Variants in NHERF1 observed in about 807,000 individuals in gnomAD.
NHERF1 encodes the protein Na(+)/H(+) exchange regulatory cofactor NHE-RF1.
At chr17:74,753,748 T>G in the NHERF1 span, among the ~76,000 whole-genome samples, 7 of 137,868 alleles carry the variant, frequency 5.1e-5, no homozygotes, top group East Asian at 2.2e-4. Flanking sequence ...GGGAGGGGGG[T>G]GAATGGGGGC....
the NHERF1 span, among the ~76,000 whole-genome samples, chr17:74,752,753 G>A: frequency 6.6e-6 from 1 of 152,102 alleles, no homozygotes; most frequent in Non-Finnish European, 1.5e-5. Flanking sequence ...CTCGGCCTCC[G>A]CCTCCTCTTT....
chr17:74,768,741 T>A, the NHERF1 span: 2 of 1,217,586 alleles, frequency 1.6e-6, no homozygotes, highest in Admixed American at 1.8e-5. Context: ...CTCCCCTGAA[T>A]CAATGTACAA....
chr17:74,750,408 C>G, the NHERF1 span, among the ~76,000 whole-genome samples: 1 of 152,136 alleles, frequency 6.6e-6, no homozygotes, highest in Admixed American at 6.5e-5. Flanking sequence ...CGTGGGGCTA[C>G]GAGGAGCCTC....
At chr17:74,748,903 G>C in the NHERF1 span, 1 of 1,599,114 alleles carries the variant, frequency 6.3e-7, no homozygotes, top group African/African-American at 1.3e-5. This position sits in a 1 kb window ranked among gnomAD's most constrained non-coding sequence, Gnocchi z 4.3. Flanking sequence ...GCCTGGAGAA[G>C]GGTCCGAACG....
chr17:74,755,956 G>GT, the NHERF1 span, among the ~76,000 whole-genome samples: 1,150 of 141,568 alleles, frequency 8.1e-3, 6 homozygotes, highest in African/African-American at 0.02. Context: ...TATTTTTCCT[G>GT]TTTTTTTTTT....
chr17:74,763,085 A>G, the NHERF1 span: 1 of 347,210 alleles, frequency 2.9e-6, no homozygotes, highest in Non-Finnish European at 5.3e-6. Flanking sequence ...CCGGCCTCCC[A>G]GCTCGCTCCC....
the NHERF1 span, among the ~76,000 whole-genome samples, chr17:74,756,263 TTC>T: frequency 7.7e-6 from 1 of 129,262 alleles, no homozygotes; most frequent in African/African-American, 2.9e-5. Context: ...TTTCTTTTCT[TTC>T]TTTCTTTCTT....
the NHERF1 span, chr17:74,763,669 A>G: frequency 8.8e-6 from 7 of 799,648 alleles, no homozygotes; most frequent in African/African-American, 8.6e-5. Flanking sequence ...GGAGGCCCAG[A>G]GGTGTGGGCT....
At chr17:74,764,324 C>T in the NHERF1 span, among the ~76,000 whole-genome samples, 1 of 152,194 alleles carries the variant, frequency 6.6e-6, no homozygotes, top group East Asian at 1.9e-4. This position sits in a 1 kb window ranked among gnomAD's most constrained non-coding sequence, Gnocchi z 4.9. Flanking sequence ...CTCCCATCGC[C>T]AGCTGCAAGG....
At chr17:74,765,261 T>C in the NHERF1 span, among the ~76,000 whole-genome samples, 6 of 152,084 alleles carry the variant, frequency 3.9e-5, no homozygotes, top group Non-Finnish European at 7.4e-5. Flanking sequence ...TTTTTTTCTT[T>C]TTCTTTTTCT....
the NHERF1 span, chr17:74,748,931 C>A: frequency 5.4e-5 from 87 of 1,603,390 alleles, 1 homozygote; most frequent in Admixed American, 7.9e-4. The surrounding 1 kb of genome is among the most constrained non-coding windows in gnomAD (Gnocchi z 4.3). Flanking sequence ...CTTCCACCTG[C>A]ACGGGGAGAA....
chr17:74,762,266 T>G, the NHERF1 span: 1 of 1,327,414 alleles, frequency 7.5e-7, no homozygotes, highest in African/African-American at 1.5e-5. The surrounding 1 kb of genome is among the most constrained non-coding windows in gnomAD (Gnocchi z 4.2). Flanking sequence ...TGGGCTTGAT[T>G]AGCCCACGGG....
At chr17:74,768,339 G>A in the NHERF1 span, 3 of 1,377,486 alleles carry the variant, frequency 2.2e-6, no homozygotes, top group Non-Finnish European at 3.1e-6. Flanking sequence ...CACATGCTGA[G>A]CCGCATTCTG....
chr17:74,768,362 G>A, the NHERF1 span: 1 of 1,433,130 alleles, frequency 7.0e-7, no homozygotes, highest in South Asian at 1.1e-5. Context: ...CTTGTGACCT[G>A]GCTTCCCTGG....
At chr17:74,748,673 C>T in the NHERF1 span, 1 of 600,568 alleles carries the variant, frequency 1.7e-6, no homozygotes, top group Non-Finnish European at 2.9e-6. This position sits in a 1 kb window ranked among gnomAD's most constrained non-coding sequence, Gnocchi z 4.3. Context: ...TCTCTCGGCT[C>T]CTCGCGGCTC....
the NHERF1 span, among the ~76,000 whole-genome samples, chr17:74,754,985 G>C: frequency 6.6e-6 from 1 of 152,192 alleles, no homozygotes; most frequent in Non-Finnish European, 1.5e-5. Context: ...GGCTTGATCA[G>C]TTAAGGTGGC....
the NHERF1 span, among the ~76,000 whole-genome samples, chr17:74,761,022 G>A: frequency 6.6e-6 from 1 of 152,236 alleles, no homozygotes; most frequent in Non-Finnish European, 1.5e-5. This position sits in a 1 kb window ranked among gnomAD's most constrained non-coding sequence, Gnocchi z 4.3. Context: ...CGTAGTCCTT[G>A]GGCACAGGCT....
At chr17:74,765,252 TTTTTTC>T in the NHERF1 span, among the ~76,000 whole-genome samples, 13 of 152,150 alleles carry the variant, frequency 8.5e-5, no homozygotes, top group East Asian at 3.9e-4. Flanking sequence ...TATTTTCTCT[TTTTTTC>T]TTTTTCTTTT....
chr17:74,765,385 G>A, the NHERF1 span, among the ~76,000 whole-genome samples: 1 of 151,144 alleles, frequency 6.6e-6, no homozygotes, highest in Non-Finnish European at 1.5e-5. Flanking sequence ...TCAGTCTCCT[G>A]AGTAGCCGGG....
Sources: allele counts gnomAD v4.1 joint callset (sites outside exome capture counted in the v4.1 genomes callset), GRCh38; gene constraint gnomAD v4.1.1; non-coding constraint Gnocchi (gnomAD v3.1); transcripts MANE v1.5; gene names NCBI Gene and HGNC (gene_info 2026-07-23, HGNC 2026-07-21).